HES7: variants seen among roughly 807,000 people sequenced by gnomAD.
HES7 encodes hes family bHLH transcription factor 7.
In HES7, 8 loss-of-function variants were observed where a neutral mutation model predicts 18.0. That is an observed-to-expected ratio of 0.45 (90% CI 0.26 to 0.80). The LOEUF (loss-of-function observed/expected upper bound fraction) is 0.80. Ranked by LOEUF, HES7 falls within the 30% of genes least tolerant of loss-of-function variation. The pLI, the probability that HES7 is intolerant of heterozygous loss-of-function variation, is 0.18. For synonymous variants in HES7, 170 were observed against 158.6 expected (o/e 1.07, Z -0.54); for missense variants, 356 against 340.9 (o/e 1.04, Z -0.35).
chr17:8,122,206 G>A lies in HES7; in HGVS notation c.226+137C>T, dbSNP rs914500650. ...GACACAGAGACAGACACGCGCGGGT[G>A]TTATTAACCTCGCCTCGGAGCAGAA... On this transcript the variant is annotated intron_variant, in intron 3 of 3. Coordinates refer to ENST00000541682, the MANE Select transcript of HES7 (RefSeq NM_001165967.2). This position sits in a 1 kb window ranked among gnomAD's most constrained non-coding sequence, Gnocchi z 6.9. The A allele has an allele frequency of 2.2e-6, 2 of 911,372 alleles. No individual in the cohort carries two copies. Among genetic ancestry groups the A allele is most frequent in the Non-Finnish European group, 3.3e-6 (2 of 597,622 alleles). The allele number at this position is 911,372 out of a possible 1,614,324, so 56.5% of individuals were successfully genotyped here.
At chr17:8,125,166 A>C (rs1268462156), upstream of HES7, among the ~76,000 whole-genome samples, 1 of 152,190 alleles carries the variant, frequency 6.6e-6, no homozygotes, top group Non-Finnish European at 1.5e-5. Context: ...TGAGAAGATA[A>C]ATCAGAAACT....
In HES7 at chr17:8,123,278, G is replaced by T. The variant is rs370580036; in HGVS notation, c.43-152C>A. 14 of 655,540 alleles carry T rather than the reference G, an allele frequency of 2.1e-5. No individual in the cohort carries two copies. In the African/African-American group the frequency reaches 2.2e-4, roughly 10 times the overall value. The allele number at this position is 655,540 out of a possible 1,614,324, so 40.6% of individuals were successfully genotyped here. On this transcript the variant is annotated intron_variant, in intron 1 of 3. Coordinates refer to ENST00000541682, the MANE Select transcript of HES7 (RefSeq NM_001165967.2). This position sits in a 1 kb window ranked among gnomAD's most constrained non-coding sequence, Gnocchi z 5.9. ...GGCCGGCCCCATTCGATCCCTCTCC[G>T]CTCCCCCTCCCAATGCCCCTAGATC...
Position 8,124,028 on chromosome 17 carries a change from C to T in HES7, c.42+15G>A. 6.2e-7 allele frequency: 1 copy of T among 1,613,930 alleles called. No individual in the cohort carries two copies. The highest frequency in any genetic ancestry group is 8.5e-7 in the Non-Finnish European group (1 of 1,179,988). ...CAAACCAGGGACCTCTGCTCCCTCCCCTCCCGCCTCTCACCTTGGGGCCGT... is the reference window on the plus strand; with the variant it reads ...CAAACCAGGGACCTCTGCTCCCTCCTCTCCCGCCTCTCACCTTGGGGCCGT... On this transcript the variant is annotated intron_variant, in intron 1 of 3. Coordinates refer to ENST00000541682, the MANE Select transcript of HES7 (RefSeq NM_001165967.2).
At position 8,122,728 on chromosome 17, in the gene HES7, C is replaced by A. The variant is rs1981423056; in HGVS notation, c.139-298G>T. Among the ~76,000 whole-genome samples, 1 of 152,178 alleles carries A rather than the reference C, an allele frequency of 6.6e-6. No homozygotes were observed. The highest frequency in any genetic ancestry group is 2.1e-4 in the South Asian group (1 of 4,832). On this transcript the variant is annotated intron_variant, in intron 2 of 3. Transcript: ENST00000541682. This position sits in a 1 kb window ranked among gnomAD's most constrained non-coding sequence, Gnocchi z 6.9. ...AACCACCCGACATAACAGAGGCTGG[C>A]TCATCAGAGGCTGGCTGTGGGGGAG...
At position 8,122,057 on chromosome 17, in the gene HES7, C is replaced by T; in HGVS notation, c.227-20G>A. On this transcript the variant is annotated intron_variant, in intron 3 of 3. Transcript: ENST00000541682. The surrounding 1 kb of genome is among the most constrained non-coding windows in gnomAD (Gnocchi z 6.9). ...CGGCGGCTGGTGCGGCCGGCGGGAG[C>T]ACAGGTGGGCAGGGCAGGGGCCCGG... 1 of 1,489,340 alleles carries T rather than the reference C, an allele frequency of 6.7e-7. No individual in the cohort carries two copies. The highest frequency in any genetic ancestry group is 8.9e-7 in the Non-Finnish European group (1 of 1,128,344). 92.3% of individuals were successfully genotyped at this position (1,489,340 alleles called of 1,614,324 possible). A position where few individuals can be genotyped will look rare whatever the true frequency, so the allele number is the denominator to read the frequency against.
Position 8,123,588 on chromosome 17 carries a change from G to T in HES7, c.42+455C>A. ...CCTCCAGGCCTTCACCTTCTCCACGGTTCTCCTAAAATCTTCCACCAGTCT... is the reference window on the plus strand; with the variant it reads ...CCTCCAGGCCTTCACCTTCTCCACGTTTCTCCTAAAATCTTCCACCAGTCT... On this transcript the variant is annotated intron_variant, in intron 1 of 3. Transcript: ENST00000541682. The surrounding 1 kb of genome is among the most constrained non-coding windows in gnomAD (Gnocchi z 5.9). 1 of 307,642 alleles carries T rather than the reference G, an allele frequency of 3.3e-6. No individual in the cohort carries two copies. The highest frequency in any genetic ancestry group is 4.8e-5 in the Admixed American group (1 of 20,780). The allele number at this position is 307,642 out of a possible 1,614,324, so 19.1% of individuals were successfully genotyped here. A position where few individuals can be genotyped will look rare whatever the true frequency, so the allele number is the denominator to read the frequency against.
rs1195182880 is a variant in HES7 at position 8,122,329 on chromosome 17, C to T, written c.226+14G>A. ...CCCCCTCCCTCCCTCCGCTGCCCCA[C>T]CCCCGCGCTGTACCCGGGGGCTCCA... is the stretch of plus-strand genomic sequence containing the variant. On this transcript the variant is annotated intron_variant, in intron 3 of 3. Coordinates refer to ENST00000541682, the MANE Select transcript of HES7 (RefSeq NM_001165967.2). The surrounding 1 kb of genome is among the most constrained non-coding windows in gnomAD (Gnocchi z 6.9). 8.9e-6 allele frequency: 14 copies of T among 1,568,182 alleles called. No individual in the cohort carries two copies. The highest frequency in any genetic ancestry group is 1.8e-5 in the Admixed American group (1 of 54,310).
At chr17:8,125,810 C>T (rs936329901), upstream of HES7, among the ~76,000 whole-genome samples, 7 of 152,044 alleles carry the variant, frequency 4.6e-5, no homozygotes, top group Non-Finnish European at 8.8e-5. Flanking sequence ...GATTCCCGGC[C>T]AATGCACGAG....
Position 8,122,187 on chromosome 17 carries a change from G to C in HES7, c.227-150C>G, listed in dbSNP as rs927150641. ...AGAGGGAGAAAATGAGGGAGACACA[G>C]AGACAGACACGCGCGGGTGTTATTA... On this transcript the variant is annotated intron_variant, in intron 3 of 3. Coordinates refer to ENST00000541682, the MANE Select transcript of HES7 (RefSeq NM_001165967.2). This position sits in a 1 kb window ranked among gnomAD's most constrained non-coding sequence, Gnocchi z 6.9. The C allele has an allele frequency of 1.1e-6, 1 of 950,890 alleles. No homozygotes were observed. The allele number at this position is 950,890 out of a possible 1,614,324, so 58.9% of individuals were successfully genotyped here. A position where few individuals can be genotyped will look rare whatever the true frequency, so the allele number is the denominator to read the frequency against.
Position 8,122,223 on chromosome 17 carries a change from G to T in HES7, c.226+120C>A. The T allele has an allele frequency of 1.0e-6, 1 of 980,238 alleles. No homozygotes were observed. The allele number at this position is 980,238 out of a possible 1,614,324, so 60.7% of individuals were successfully genotyped here. On this transcript the variant is annotated intron_variant, in intron 3 of 3. Transcript: ENST00000541682. The surrounding 1 kb of genome is among the most constrained non-coding windows in gnomAD (Gnocchi z 6.9). ...GCGCGGGTGTTATTAACCTCGCCTC[G>T]GAGCAGAACCGGCCACTCCCCAAGC...
chr17:8,122,767 C>G lies in HES7; in HGVS notation c.138+264G>C, dbSNP rs1226490851. Among the ~76,000 whole-genome samples, 1 of 152,122 alleles carries G rather than the reference C, an allele frequency of 6.6e-6. No individual in the cohort carries two copies. Among genetic ancestry groups the G allele is most frequent in the African/African-American group, 2.4e-5 (1 of 41,432 alleles). On this transcript the variant is annotated intron_variant, in intron 2 of 3. Coordinates refer to ENST00000541682, the MANE Select transcript of HES7 (RefSeq NM_001165967.2). The surrounding 1 kb of genome is among the most constrained non-coding windows in gnomAD (Gnocchi z 6.9). ...GCTGTGGGGGAGGGGGAACCGGACA[C>G]TTAGAGACCCAAAGGGTGAAACTGA... is the stretch of plus-strand genomic sequence containing the variant.
In HES7 at chr17:8,121,526, GTCTCTACCCC is replaced by G; in HGVS notation, c.*35_*44del. 7.8e-7 allele frequency: 1 copy of G among 1,275,980 alleles called. No individual in the cohort carries two copies. The allele number at this position is 1,275,980 out of a possible 1,614,324, so 79.0% of individuals were successfully genotyped here. Reference sequence around the variant, plus strand: ...GTCCCTCTGCTGCCCTCGGGCTGGAGTCTCTACCCCACCCCTAGACCCCGCCCCCACCACC... The same window carrying G: ...GTCCCTCTGCTGCCCTCGGGCTGGAGACCCCTAGACCCCGCCCCCACCACC... On this transcript the variant is annotated 3_prime_UTR_variant, in exon 4 of 4. Transcript: ENST00000541682.
Position 8,123,900 on chromosome 17 carries a change from C to T in HES7, c.42+143G>A, listed in dbSNP as rs760733427. 46 of 923,500 alleles carry T rather than the reference C, an allele frequency of 5.0e-5. No homozygotes were observed. The highest frequency in any genetic ancestry group is 6.9e-5 in the Non-Finnish European group (41 of 593,318). 57.2% of individuals were successfully genotyped at this position (923,500 alleles called of 1,614,324 possible). On this transcript the variant is annotated intron_variant, in intron 1 of 3. Coordinates refer to ENST00000541682, the MANE Select transcript of HES7 (RefSeq NM_001165967.2). This position sits in a 1 kb window ranked among gnomAD's most constrained non-coding sequence, Gnocchi z 5.9. ...CCTTCTTCATATTTTGCAGCTTCCTCTCCAGCTTCTGGCTCCTGGAGTTCT... is the reference window on the plus strand; with the variant it reads ...CCTTCTTCATATTTTGCAGCTTCCTTTCCAGCTTCTGGCTCCTGGAGTTCT...
In HES7 at chr17:8,122,334, G is replaced by A. The variant is rs1165652956; in HGVS notation, c.226+9C>T. 2.1e-6 allele frequency: 2 copies of A among 953,250 alleles called. No homozygotes were observed. Among genetic ancestry groups the A allele is most frequent in the East Asian group, 4.2e-5 (1 of 24,080 alleles). The allele number at this position is 953,250 out of a possible 1,614,324, so 59.0% of individuals were successfully genotyped here. On this transcript the variant is annotated intron_variant, in intron 3 of 3. Coordinates refer to ENST00000541682, the MANE Select transcript of HES7 (RefSeq NM_001165967.2). The surrounding 1 kb of genome is among the most constrained non-coding windows in gnomAD (Gnocchi z 6.9). ...TCCCTCCCTCCGCTGCCCCACCCCCGCGCTGTACCCGGGGGCTCCACCCGG... is the reference window on the plus strand; with the variant it reads ...TCCCTCCCTCCGCTGCCCCACCCCCACGCTGTACCCGGGGGCTCCACCCGG...
rs1186211463 is a variant in HES7, at chr17:8,123,497, C to T, written c.43-371G>A. On this transcript the variant is annotated intron_variant, in intron 1 of 3. Transcript: ENST00000541682. This position sits in a 1 kb window ranked among gnomAD's most constrained non-coding sequence, Gnocchi z 5.9. ...GCGCCGCACGGTGCCGGGCTCAGACCTGGCGGCCCTGAGTATAGAAAGGGA... is the reference window on the plus strand; with the variant it reads ...GCGCCGCACGGTGCCGGGCTCAGACTTGGCGGCCCTGAGTATAGAAAGGGA... 11 of 360,406 alleles carry T rather than the reference C, an allele frequency of 3.1e-5. 1 individual carries two copies. The allele number at this position is 360,406 out of a possible 1,614,324, so 22.3% of individuals were successfully genotyped here.
chr17:8,121,763 G>C lies in HES7; in HGVS notation c.501C>G (p.Pro167=). 6.6e-7 allele frequency: 1 copy of C among 1,508,720 alleles called. No individual in the cohort carries two copies. 93.5% of individuals were successfully genotyped at this position (1,508,720 alleles called of 1,614,324 possible). ...GGCTAGGGTGGCCCTGGTGCACTGG[G>C]GGGCGCTGGTGCAGCGCAGGGCCAA... The part of the protein sequence containing the change: ...PALGPALHQR[P]PVHQGHPSPR... The change falls in exon 4 of 4, where the codon CCC becomes CCG. Residue 167 remains proline (P), a synonymous_variant. Coordinates refer to ENST00000541682, the MANE Select transcript of HES7 (RefSeq NM_001165967.2).
chr17:8,124,108 C>T (rs769269700), upstream of HES7: 44 of 1,613,838 alleles, frequency 2.7e-5, no homozygotes, highest in Admixed American at 3.5e-4. Flanking sequence ...CCTGTGTGGA[C>T]CGGTTCCCTG....
chr17:8,122,325 C>T lies in HES7; in HGVS notation c.226+18G>A. On this transcript the variant is annotated intron_variant, in intron 3 of 3. Coordinates refer to ENST00000541682, the MANE Select transcript of HES7 (RefSeq NM_001165967.2). This position sits in a 1 kb window ranked among gnomAD's most constrained non-coding sequence, Gnocchi z 6.9. ...CGTCCCCCCTCCCTCCCTCCGCTGC[C>T]CCACCCCCGCGCTGTACCCGGGGGC... The T allele has an allele frequency of 1.3e-6, 2 of 1,562,786 alleles. No homozygotes were observed. Among genetic ancestry groups the T allele is most frequent in the Non-Finnish European group, 1.7e-6 (2 of 1,151,146 alleles).
rs563910734 is a variant in HES7 at position 8,121,914 on chromosome 17, G to C, written c.350C>G (p.Pro117Arg). 6.4e-7 allele frequency: 1 copy of C among 1,562,884 alleles called. No individual in the cohort carries two copies. Among genetic ancestry groups the C allele is most frequent in the African/African-American group, 1.4e-5 (1 of 71,010 alleles). Residue 117 changes from proline (P) to arginine (R), a missense_variant, in exon 4 of 4, where the codon CCG becomes CGG. Transcript: ENST00000541682. ...GGAGAAGAGCTGGGCGCGGGCGGCC[G>C]GGCTGGCGTCGTGCGCGAAGGCCGC... Reference protein sequence around the residue: ...RLAAFAHDASPAARAQLFSAL... With the variant: ...RLAAFAHDASRAARAQLFSAL...
Sources: gnomAD v4.1 joint callset for allele counts (sites outside exome capture counted in the v4.1 genomes callset) on GRCh38, gnomAD v4.1.1 for gene constraint, Gnocchi (gnomAD v3.1) non-coding constraint, MANE v1.5 for transcripts, NCBI Gene and HGNC (gene_info 2026-07-23, HGNC 2026-07-21) for gene names.